GPR107: variants seen among roughly 807,000 people sequenced by gnomAD.
The protein encoded by GPR107 is protein GPR107.
GPR107 carries 31 observed loss-of-function variants against 75.5 expected under a neutral mutation model. The observed-to-expected ratio is 0.41, with a 90% confidence interval of 0.31 to 0.55. The LOEUF (loss-of-function observed/expected upper bound fraction) is 0.55, where lower values mean the gene tolerates loss of function less well. Ranked by LOEUF, GPR107 falls within the 20% of genes least tolerant of loss-of-function variation. The pLI is 0.26. For missense variants in GPR107, 572 were observed against 665.7 expected (o/e 0.86, Z 1.55); for synonymous variants, 267 against 251.3 (o/e 1.06, Z -0.59).
chr9:130,134,947 T>A (rs1831913205), intron 17 of GPR107, 78 bp from the exon 18 acceptor site: 1 of 812,178 alleles, frequency 1.2e-6, no homozygotes, highest in African/African-American at 1.7e-5. Flanking sequence ...TCAGTCCTAA[T>A]CACCGTGCTG....
At chr9:130,064,979 T>C (rs1830034633) in intron 1 of GPR107, among the ~76,000 whole-genome samples, 1 of 152,146 alleles carries the variant, frequency 6.6e-6, no homozygotes, top group Non-Finnish European at 1.5e-5. Context: ...CCTCCAGAAC[T>C]GTGAGAGAAC....
At position 130,138,157 on chromosome 9, in the gene GPR107, G is replaced by T. The variant is rs1251867620; in HGVS notation, c.*3036G>T. 6.6e-6 allele frequency: 1 copy of T among 152,210 alleles called. No individual in the cohort carries two copies. Among genetic ancestry groups the T allele is most frequent in the Non-Finnish European group, 1.5e-5 (1 of 68,042 alleles). The allele number at this position is 152,210 out of a possible 1,614,324, so 9.4% of individuals were successfully genotyped here. A position where few individuals can be genotyped will look rare whatever the true frequency, so the allele number is the denominator to read the frequency against. ...CACTGCATTTTGTAATGTTGAATAT[G>T]ACTCTAGTGACTTGTAGGAGGCACT... On this transcript the variant is annotated 3_prime_UTR_variant, in exon 18 of 18. Coordinates refer to ENST00000347136, the MANE Select transcript of GPR107 (RefSeq NM_020960.5).
chr9:130,115,509 A>G (rs1163078009), intron 14 of GPR107, among the ~76,000 whole-genome samples: 1 of 151,882 alleles, frequency 6.6e-6, no homozygotes, highest in East Asian at 1.9e-4. Flanking sequence ...TCTCACCTGT[A>G]ATCCCAGCAC....
intron 17 of GPR107, among the ~76,000 whole-genome samples, chr9:130,134,335 G>A (rs781832989): frequency 4.6e-5 from 7 of 152,180 alleles, no homozygotes; most frequent in East Asian, 1.9e-4. Context: ...CATGCCCTGC[G>A]AGACCAGCGA....
intron 3 of GPR107, 66 bp downstream of exon 3, chr9:130,076,528 C>T: frequency 1.0e-6 from 1 of 981,922 alleles, no homozygotes; most frequent in South Asian, 1.3e-5. Flanking sequence ...ACGGGAACAC[C>T]CTACTTCTTG....
intron 14 of GPR107, among the ~76,000 whole-genome samples, chr9:130,120,114 A>G (rs1831515505): frequency 6.6e-6 from 1 of 152,198 alleles, no homozygotes; most frequent in Non-Finnish European, 1.5e-5. Context: ...GGTTTTGGAA[A>G]CAACTGTGAG....
At chr9:130,065,026 A>G (rs1012677780) in intron 1 of GPR107, among the ~76,000 whole-genome samples, 16 of 152,196 alleles carry the variant, frequency 1.1e-4, no homozygotes, top group Non-Finnish European at 1.5e-4. Context: ...GTGTGTGGCT[A>G]TTTGTTACAG....
intron 1 of GPR107, among the ~76,000 whole-genome samples, chr9:130,074,971 G>A (rs961506759): frequency 6.6e-6 from 1 of 150,840 alleles, no homozygotes; most frequent in African/African-American, 2.4e-5. Flanking sequence ...TGGGGATGAC[G>A]ATAACATGGT....
intron 14 of GPR107, among the ~76,000 whole-genome samples, chr9:130,118,681 C>T (rs1233765242): frequency 5.3e-5 from 8 of 151,932 alleles, no homozygotes; most frequent in Admixed American, 5.2e-4. Context: ...TTTTCTCTCC[C>T]CTGCAGAGGT....
Position 130,100,715 on chromosome 9 carries a change from G to A in GPR107, c.1013+13G>A, listed in dbSNP as rs763538255. 5 of 1,581,996 alleles carry A rather than the reference G, an allele frequency of 3.2e-6. No individual in the cohort carries two copies. The highest frequency in any genetic ancestry group is 4.3e-6 in the Non-Finnish European group (5 of 1,150,756). ...ACATAACTCACCTGTAAGTATGCAG[G>A]TCCATGTGAAATACACCATGAAATG... On this transcript the variant is annotated intron_variant, in intron 11 of 17. Coordinates refer to ENST00000347136, the MANE Select transcript of GPR107 (RefSeq NM_020960.5).
At chr9:130,080,770 C>T (rs957422337) in intron 5 of GPR107, among the ~76,000 whole-genome samples, 2 of 150,090 alleles carry the variant, frequency 1.3e-5, no homozygotes, top group African/African-American at 4.9e-5. Context: ...GGATTACAGG[C>T]GTGAGCCACT....
intron 9 of GPR107, among the ~76,000 whole-genome samples, chr9:130,094,681 G>T (rs1436273494): frequency 3.3e-5 from 5 of 149,356 alleles, no homozygotes; most frequent in African/African-American, 4.9e-5. Flanking sequence ...GTTTGTTTTT[G>T]TTTTTTTTTG....
intron 1 of GPR107, among the ~76,000 whole-genome samples, chr9:130,057,722 G>A (rs1362199865): frequency 6.6e-6 from 1 of 151,234 alleles, no homozygotes; most frequent in African/African-American, 2.4e-5. Context: ...TATTTTTATT[G>A]TCTTACTCCA....
At chr9:130,087,239 T>C (rs1363929785) in intron 7 of GPR107, among the ~76,000 whole-genome samples, 4 of 152,090 alleles carry the variant, frequency 2.6e-5, no homozygotes, top group Non-Finnish European at 5.9e-5. Context: ...GGTCTTGCTC[T>C]GTTGCCCAGG....
chr9:130,097,433 G>A (rs959410888), intron 9 of GPR107, among the ~76,000 whole-genome samples: 2 of 152,082 alleles, frequency 1.3e-5, no homozygotes, highest in African/African-American at 2.4e-5. Context: ...GGGACTACAG[G>A]CATGAGCCAC....
At position 130,131,299 on chromosome 9, in the gene GPR107, G is replaced by A. The variant is rs145391022; in HGVS notation, c.1562+2538G>A. Among the ~76,000 whole-genome samples, 514 of 152,186 alleles carry A rather than the reference G, an allele frequency of 3.4e-3. 2 individuals are homozygous for A. Among genetic ancestry groups the A allele is most frequent in the African/African-American group, 0.011 (469 of 41,528 alleles). ...GGCTAGCCAGGTTTCCTCACATCGT[G>A]GGGGCCCCAGGTGTCCCTTCAGCTT... On this transcript the variant is annotated intron_variant, in intron 17 of 17. Transcript: ENST00000347136.
At chr9:130,060,402 G>GTTTTT (rs11403227) in intron 1 of GPR107, among the ~76,000 whole-genome samples, 2 of 75,894 alleles carry the variant, frequency 2.6e-5, no homozygotes, top group African/African-American at 6.0e-5. Flanking sequence ...GATAATCCGA[G>GTTTTT]TTTTTTTTTT....
chr9:130,059,917 T>A (rs1255751641), intron 1 of GPR107, among the ~76,000 whole-genome samples: 1 of 151,572 alleles, frequency 6.6e-6, no homozygotes, highest in Non-Finnish European at 1.5e-5. Flanking sequence ...TTTTTGTATT[T>A]TTAGTAGAGA....
At chr9:130,083,089 T>G (rs938954572) in intron 5 of GPR107, among the ~76,000 whole-genome samples, 1 of 151,880 alleles carries the variant, frequency 6.6e-6, no homozygotes, top group African/African-American at 2.4e-5. Flanking sequence ...CCCGACTAAT[T>G]TTTGTATTTT....
Sources: gnomAD v4.1 joint callset for allele counts (sites outside exome capture counted in the v4.1 genomes callset) on GRCh38, gnomAD v4.1.1 for gene constraint, MANE v1.5 for transcripts, NCBI Gene and HGNC (gene_info 2026-07-23, HGNC 2026-07-21) for gene names.